ULK4: variants seen among roughly 807,000 people sequenced by gnomAD.
The protein encoded by ULK4 is unc-51 like kinase 4, also known as inactive serine/threonine-protein kinase ULK4.
In ULK4, 133 loss-of-function variants were observed where a neutral mutation model predicts 160.6. The ratio of observed to expected loss-of-function variants is 0.83; its 90% CI spans 0.72 to 0.96. The LOEUF is 0.96. Among genes scored for constraint, ULK4 ranks in the 40% least tolerant of loss-of-function variants. The pLI is 0.00. For synonymous variants in ULK4, 534 were observed against 539.8 expected (o/e 0.99, Z 0.15); for missense variants, 1,580 against 1,499.5 (o/e 1.05, Z -0.89).
At chr3:41,443,869 T>C (rs1246297004) in intron 34 of ULK4, among the ~76,000 whole-genome samples, 1 of 152,156 alleles carries the variant, frequency 6.6e-6, no homozygotes, top group Non-Finnish European at 1.5e-5. Context: ...TGATTAAATA[T>C]GCTCAGGAAA....
chr3:41,473,725 A>G (rs1374055735), intron 32 of ULK4, among the ~76,000 whole-genome samples: 3 of 151,338 alleles, frequency 2.0e-5, no homozygotes, highest in Admixed American at 6.6e-5. Context: ...AAACTTTCTG[A>G]AAAAAAAGTC....
chr3:41,263,792 C>T (rs573505789), intron 35 of ULK4, among the ~76,000 whole-genome samples: 1 of 152,256 alleles, frequency 6.6e-6, no homozygotes, highest in South Asian at 2.1e-4. Flanking sequence ...ACATGAAAAG[C>T]TCTTTTGGCA....
Position 41,781,018 on chromosome 3 carries a change from CAGAA to C in ULK4, c.2193+8639_2193+8642del, listed in dbSNP as rs138863241. On this transcript the variant is annotated intron_variant, in intron 21 of 36. Transcript: ENST00000301831. ...AACACAGAGAAAGAGAAGATAGAGG[CAGAA>C]AGAGAGATTTATAGATAGAAAAATA... Among the ~76,000 whole-genome samples, 954 of 151,494 alleles carry C rather than the reference CAGAA, an allele frequency of 6.3e-3. 9 individuals are homozygous for C. The highest frequency in any genetic ancestry group is 0.022 in the African/African-American group (913 of 41,262).
At chr3:41,292,044 A>G (rs922175100) in intron 35 of ULK4, among the ~76,000 whole-genome samples, 1 of 151,702 alleles carries the variant, frequency 6.6e-6, no homozygotes, top group Non-Finnish European at 1.5e-5. Context: ...CGTGTTAGCC[A>G]GGATGGTCTC....
At chr3:41,511,652 T>C (rs1279887020) in intron 32 of ULK4, among the ~76,000 whole-genome samples, 1 of 150,338 alleles carries the variant, frequency 6.7e-6, no homozygotes. Context: ...ATTTAAAAAT[T>C]GCCAACAACA....
chr3:41,695,403 C>T (rs1280594742), intron 27 of ULK4, among the ~76,000 whole-genome samples: 4 of 152,172 alleles, frequency 2.6e-5, no homozygotes, highest in Non-Finnish European at 2.9e-5. Flanking sequence ...TAAAGAAAAC[C>T]GGAGCTCCTC....
chr3:41,768,623 T>A (rs142171002), intron 21 of ULK4, among the ~76,000 whole-genome samples: 1 of 152,350 alleles, frequency 6.6e-6, no homozygotes, highest in East Asian at 1.9e-4. Flanking sequence ...GCCAGTCATA[T>A]GAATGAGCCA....
chr3:41,255,604 G>A (rs1400919726), intron 35 of ULK4, among the ~76,000 whole-genome samples: 1 of 132,460 alleles, frequency 7.5e-6, no homozygotes, highest in African/African-American at 2.5e-5. Flanking sequence ...AGACGTTAAG[G>A]CTATAATCGT....
chr3:41,327,148 GT>G (rs1159932627), intron 35 of ULK4, among the ~76,000 whole-genome samples: 2 of 152,100 alleles, frequency 1.3e-5, no homozygotes, highest in Non-Finnish European at 2.9e-5. Flanking sequence ...AAAAAAGAGG[GT>G]TGGAAATAAA....
intron 35 of ULK4, among the ~76,000 whole-genome samples, chr3:41,347,301 AT>A (rs970362903): frequency 1.3e-5 from 2 of 152,170 alleles, no homozygotes; most frequent in African/African-American, 4.8e-5. Flanking sequence ...ATGTCTTTTC[AT>A]TTTTGGAAAA....
At chr3:41,566,921 C>T (rs1795348) in intron 31 of ULK4, among the ~76,000 whole-genome samples, 63,524 of 152,012 alleles carry the variant, frequency 0.42, 14,736 homozygotes, top group Middle Eastern at 0.52. Context: ...AAGAGAGACA[C>T]ACGAGGTGCA....
chr3:41,740,776 T>C (rs2038216625), intron 22 of ULK4, among the ~76,000 whole-genome samples: 1 of 151,946 alleles, frequency 6.6e-6, no homozygotes, highest in East Asian at 1.9e-4. Flanking sequence ...CTCCAGTTGC[T>C]AGTGCAGTTT....
At chr3:41,735,690 A>T (rs1026240762) in intron 22 of ULK4, among the ~76,000 whole-genome samples, 1 of 147,154 alleles carries the variant, frequency 6.8e-6, no homozygotes, top group Non-Finnish European at 1.5e-5. Context: ...AGTCCATTTT[A>T]TTATTATTAT....
At chr3:41,500,876 G>A (rs1253311805) in intron 32 of ULK4, among the ~76,000 whole-genome samples, 1 of 152,126 alleles carries the variant, frequency 6.6e-6, no homozygotes, top group Non-Finnish European at 1.5e-5. Flanking sequence ...CTGGGTTTTC[G>A]TGGATTTTTT....
At chr3:41,937,686 G>C (rs1000786518) in intron 3 of ULK4, among the ~76,000 whole-genome samples, 1 of 152,024 alleles carries the variant, frequency 6.6e-6, no homozygotes, top group Non-Finnish European at 1.5e-5. Flanking sequence ...CTAATTATTT[G>C]TTGGTTCATC....
At position 41,736,302 on chromosome 3, in the gene ULK4, C is replaced by A. The variant is rs1305846920; in HGVS notation, c.2321+18059G>T. ...ACAATGGTTGAACTAGTTTACAGTCCCACCAACAGTGTAAAAGTGTTCCTA... is the reference window on the plus strand; with the variant it reads ...ACAATGGTTGAACTAGTTTACAGTCACACCAACAGTGTAAAAGTGTTCCTA... On this transcript the variant is annotated intron_variant, in intron 22 of 36. Transcript: ENST00000301831. Among the ~76,000 whole-genome samples the A allele has an allele frequency of 4.6e-5, 7 of 151,666 alleles. No homozygotes were observed. The East Asian group carries it at 9.7e-4, about 21-fold the overall frequency.
At chr3:41,750,895 CAGG>C (rs1363679752) in intron 22 of ULK4, among the ~76,000 whole-genome samples, 7 of 149,538 alleles carry the variant, frequency 4.7e-5, no homozygotes, top group Non-Finnish European at 1.0e-4. Flanking sequence ...GAGGCTGAAG[CAGG>C]AGAATTGCTT....
chr3:41,520,237 T>A (rs1264294913), intron 32 of ULK4, among the ~76,000 whole-genome samples: 1 of 151,800 alleles, frequency 6.6e-6, no homozygotes, highest in Non-Finnish European at 1.5e-5. Context: ...CAGCCCCTGG[T>A]AACCCCTGTT....
intron 21 of ULK4, among the ~76,000 whole-genome samples, chr3:41,755,279 A>C (rs2038761774): frequency 6.6e-6 from 1 of 152,144 alleles, no homozygotes; most frequent in African/African-American, 2.4e-5. Flanking sequence ...CAGATTTAAG[A>C]AGCTCATTTT....
Sources: gnomAD v4.1 joint callset for allele counts (sites outside exome capture counted in the v4.1 genomes callset) on GRCh38, gnomAD v4.1.1 for gene constraint, MANE v1.5 for transcripts, NCBI Gene and HGNC (gene_info 2026-07-23, HGNC 2026-07-21) for gene names.